Variants in PCCB observed in about 807,000 individuals in gnomAD.
PCCB encodes propionyl-CoA carboxylase beta chain, mitochondrial.
A neutral mutation model predicts 60.7 loss-of-function variants in PCCB; 43 were observed. That is an observed-to-expected ratio of 0.71 (90% CI 0.55 to 0.91). PCCB has a LOEUF of 0.91. Among genes scored for constraint, PCCB ranks in the 40% least tolerant of loss-of-function variants. PCCB has a pLI of 0.00. For missense variants in PCCB, 766 were observed against 702.8 expected (o/e 1.09, Z -1.02); for synonymous variants, 276 against 255.9 (o/e 1.08, Z -0.75).
At chr3:136,309,253 A>C (rs1166394793) in intron 9 of PCCB, among the ~76,000 whole-genome samples, 1 of 143,134 alleles carries the variant, frequency 7.0e-6, no homozygotes, top group Non-Finnish European at 1.5e-5. Flanking sequence ...ACAGAGCAAG[A>C]CTCCATCTCA....
chr3:136,282,772 T>C (rs1304631431), intron 5 of PCCB, among the ~76,000 whole-genome samples: 1 of 152,212 alleles, frequency 6.6e-6, no homozygotes, highest in African/African-American at 2.4e-5. Flanking sequence ...TATAGTCTGG[T>C]GTTATTTTCT....
intron 6 of PCCB, among the ~76,000 whole-genome samples, chr3:136,290,891 T>G (rs923356989): frequency 6.6e-6 from 1 of 151,938 alleles, no homozygotes; most frequent in East Asian, 1.9e-4. Flanking sequence ...TTGTTTTGTT[T>G]TTTTTGATCC....
chr3:136,267,461 G>C (rs1942035121), intron 5 of PCCB, among the ~76,000 whole-genome samples: 1 of 152,118 alleles, frequency 6.6e-6, no homozygotes, highest in South Asian at 2.1e-4. Flanking sequence ...GAAGTGCAGG[G>C]ATTACAAGCC....
intron 6 of PCCB, among the ~76,000 whole-genome samples, chr3:136,288,384 C>T: frequency 6.6e-6 from 1 of 152,104 alleles, no homozygotes; most frequent in East Asian, 1.9e-4. Flanking sequence ...CTCCCCCTCT[C>T]ACCCAGGCTG....
intron 6 of PCCB, among the ~76,000 whole-genome samples, chr3:136,291,004 A>C (rs1433503953): frequency 6.6e-6 from 1 of 152,094 alleles, no homozygotes; most frequent in Non-Finnish European, 1.5e-5. Context: ...AAAACATCAA[A>C]TGCATTCTTT....
At position 136,326,923 on chromosome 3, in the gene PCCB, C is replaced by G; in HGVS notation, c.1198+13C>G. ...GGCTTTCTACCTGGTAAGTTTTTGA[C>G]AGAGTGGGGGCTAGGAGAGTTGCCT... On this transcript the variant is annotated intron_variant, in intron 11 of 14. Coordinates refer to ENST00000251654, the MANE Select transcript of PCCB (RefSeq NM_000532.5). The G allele has an allele frequency of 6.6e-7, 1 of 1,526,066 alleles. No individual in the cohort carries two copies. Among genetic ancestry groups the G allele is most frequent in the Non-Finnish European group, 9.1e-7 (1 of 1,099,640 alleles). The allele number at this position is 1,526,066 out of a possible 1,614,324, so 94.5% of individuals were successfully genotyped here. A position where few individuals can be genotyped will look rare whatever the true frequency, so the allele number is the denominator to read the frequency against.
intron 8 of PCCB, among the ~76,000 whole-genome samples, chr3:136,299,873 T>G (rs143226183): frequency 6.6e-6 from 1 of 151,710 alleles, no homozygotes; most frequent in Non-Finnish European, 1.5e-5. Context: ...TGTATATGCA[T>G]GCATGTGTAT....
intron 9 of PCCB, 110 bp downstream of exon 9, chr3:136,301,221 CACAGGTCGGGA>C: frequency 1.2e-6 from 1 of 836,914 alleles, no homozygotes; most frequent in South Asian, 1.4e-5. Flanking sequence ...TGTCAGACAG[CACAGGTCGGGA>C]ATAGGGTGGG....
At chr3:136,315,678 A>T (rs941368596) in intron 9 of PCCB, among the ~76,000 whole-genome samples, 1 of 147,020 alleles carries the variant, frequency 6.8e-6, no homozygotes, top group African/African-American at 2.5e-5. Context: ...AAAAAATATA[A>T]TTTTTTTTTT....
intron 8 of PCCB, among the ~76,000 whole-genome samples, chr3:136,299,469 G>A (rs1934105721): frequency 6.8e-6 from 1 of 147,782 alleles, no homozygotes; most frequent in Non-Finnish European, 1.5e-5. Context: ...TGTATGTATA[G>A]GTATGCATGT....
chr3:136,313,316 T>C lies in PCCB; in HGVS notation c.967-3625T>C, dbSNP rs1043991294. ...CGAGATACTCTAAATAACCTAAATG[T>C]AAATTTTAAAATAATGTAAGCCACG... On this transcript the variant is annotated intron_variant, in intron 9 of 14. Coordinates refer to ENST00000251654, the MANE Select transcript of PCCB (RefSeq NM_000532.5). Among the ~76,000 whole-genome samples, 33 of 152,212 alleles carry C rather than the reference T, an allele frequency of 2.2e-4. 1 individual carries two copies. The highest frequency in any genetic ancestry group is 2.1e-3 in the Admixed American group (32 of 15,282).
intron 9 of PCCB, among the ~76,000 whole-genome samples, chr3:136,305,932 G>T (rs1934441048): frequency 8.3e-6 from 1 of 120,236 alleles, no homozygotes; most frequent in South Asian, 3.3e-4. Flanking sequence ...GGAAAATGAA[G>T]CAAGGGGGTT....
chr3:136,259,133 G>T, intron 3 of PCCB: 1 of 1,452,238 alleles, frequency 6.9e-7, no homozygotes, highest in South Asian at 1.5e-5. Flanking sequence ...AAGAAGCAGT[G>T]AGAGCTCTGA....
chr3:136,294,764 C>G (rs1056818689), intron 7 of PCCB, among the ~76,000 whole-genome samples: 5 of 152,128 alleles, frequency 3.3e-5, no homozygotes, highest in Non-Finnish European at 7.3e-5. Flanking sequence ...TATGTCACAT[C>G]ATACCCAGGT....
rs558949494 is a variant in PCCB, at chr3:136,282,704, T to C, written c.544-1133T>C. Among the ~76,000 whole-genome samples the C allele has an allele frequency of 2.0e-5, 3 of 152,312 alleles. No individual in the cohort carries two copies. The East Asian group carries it at 5.8e-4, about 29-fold the overall frequency. On this transcript the variant is annotated intron_variant, in intron 5 of 14. Transcript: ENST00000251654. ...AAAAGAGAACTATACTTATGCAGTG[T>C]TTATAATCACATATTTATCATTTTC...
chr3:136,317,648 C>T (rs907712869), intron 10 of PCCB, among the ~76,000 whole-genome samples: 15 of 152,000 alleles, frequency 9.9e-5, no homozygotes. Context: ...GTTTTCTGTT[C>T]CCCCCTACCC....
intron 2 of PCCB, chr3:136,256,265 C>T (rs1343781681): frequency 5.3e-6 from 3 of 566,256 alleles, no homozygotes; most frequent in African/African-American, 1.9e-5. Flanking sequence ...ATACGTCCTC[C>T]TTCATGTAAG....
intron 5 of PCCB, among the ~76,000 whole-genome samples, chr3:136,268,116 A>ATG (rs1942081370): frequency 1.7e-5 from 2 of 119,216 alleles, no homozygotes; most frequent in African/African-American, 3.7e-5. Flanking sequence ...ATATATATAT[A>ATG]TATATGTATA....
intron 6 of PCCB, 116 bp from the exon 7 acceptor site, chr3:136,293,640 C>T: frequency 2.6e-6 from 2 of 781,202 alleles, no homozygotes; most frequent in Admixed American, 3.4e-5. Flanking sequence ...ACATCCTATC[C>T]TCATTCAGCC....
Sources: allele counts gnomAD v4.1 joint callset (sites outside exome capture counted in the v4.1 genomes callset), GRCh38; gene constraint gnomAD v4.1.1; transcripts MANE v1.5; gene names NCBI Gene and HGNC (gene_info 2026-07-23, HGNC 2026-07-21).